The following CSMD1 variants were observed in gnomAD, a reference collection of about 807,000 sequenced individuals.
CSMD1 encodes CUB and Sushi multiple domains 1, also known as CUB and sushi domain-containing protein 1.
CSMD1 carries 213 observed loss-of-function variants against 417.5 expected under a neutral mutation model. The ratio of observed to expected loss-of-function variants is 0.51; its 90% CI spans 0.46 to 0.57. CSMD1 has a LOEUF of 0.57. CSMD1 is among the 20% of genes least tolerant of loss of function. The pLI is 0.00. For missense variants in CSMD1, 6,923 were observed against 4,529.7 expected, an observed-to-expected ratio of 1.53 and a Z score of -15.17; for synonymous variants, 2,862 against 1,736.8, an observed-to-expected ratio of 1.65 and a Z score of -16.11.
intron 1 of CSMD1, among the ~76,000 whole-genome samples, chr8:4,639,594 T>C (rs1803071438): frequency 6.6e-6 from 1 of 152,214 alleles, no homozygotes; most frequent in South Asian, 2.1e-4. Flanking sequence ...ACTAAAAATA[T>C]TGAGAAAGTT....
At chr8:3,338,134 T>A (rs904014556) in intron 23 of CSMD1, among the ~76,000 whole-genome samples, 2 of 152,186 alleles carry the variant, frequency 1.3e-5, no homozygotes, top group African/African-American at 4.8e-5. Flanking sequence ...GAGTCTGTCA[T>A]CCCTCTGAGG....
chr8:4,775,606 T>A (rs1263308275), intron 1 of CSMD1, among the ~76,000 whole-genome samples: 2 of 152,200 alleles, frequency 1.3e-5, no homozygotes, highest in Admixed American at 6.5e-5. Flanking sequence ...AACTAATCAA[T>A]GTTAATTACA....
chr8:3,139,665 G>A (rs182298536), intron 41 of CSMD1, among the ~76,000 whole-genome samples: 2 of 152,238 alleles, frequency 1.3e-5, no homozygotes, highest in Admixed American at 6.5e-5. Flanking sequence ...AAGACAAGAG[G>A]TCCAAGGTAC....
At position 3,966,462 on chromosome 8, in the gene CSMD1, T is replaced by C. The variant is rs1202289714; in HGVS notation, c.818+31441A>G. Reference sequence around the variant, plus strand: ...TACCTACATATATTTTTTATAGATATATGTTTCCATTTCTGTTATTTATTT... The same window carrying C: ...TACCTACATATATTTTTTATAGATACATGTTTCCATTTCTGTTATTTATTT... On this transcript the variant is annotated intron_variant, in intron 5 of 69. Transcript: ENST00000635120. Among the ~76,000 whole-genome samples the C allele has an allele frequency of 7.2e-5, 11 of 152,302 alleles. No individual in the cohort carries two copies. The East Asian group carries it at 1.4e-3, about 19-fold the overall frequency.
chr8:4,587,563 C>G (rs1397964353), intron 2 of CSMD1, among the ~76,000 whole-genome samples: 1 of 151,946 alleles, frequency 6.6e-6, no homozygotes, highest in African/African-American at 2.4e-5. Flanking sequence ...TATTTTGATA[C>G]AGAACCTTTC....
At chr8:3,282,797 A>G (rs13272557) in intron 26 of CSMD1, among the ~76,000 whole-genome samples, 29,957 of 152,072 alleles carry the variant, frequency 0.2, 3,063 homozygotes, top group South Asian at 0.27. Context: ...TATATTAGCA[A>G]CCTTTTAAAG....
intron 10 of CSMD1, among the ~76,000 whole-genome samples, chr8:3,557,788 A>T (rs894701121): frequency 1.3e-5 from 2 of 152,166 alleles, no homozygotes; most frequent in African/African-American, 4.8e-5. Flanking sequence ...TAGGACAGAT[A>T]GAGTCTTTGG....
At chr8:4,730,752 T>TA (rs113132655) in intron 1 of CSMD1, among the ~76,000 whole-genome samples, 14,413 of 132,180 alleles carry the variant, frequency 0.11, 2,029 homozygotes, top group African/African-American at 0.34. Flanking sequence ...AAAAAACAAA[T>TA]AAAAAAAAAA....
intron 1 of CSMD1, among the ~76,000 whole-genome samples, chr8:4,866,003 C>A (rs751721274): frequency 6.6e-6 from 1 of 151,856 alleles, no homozygotes; most frequent in African/African-American, 2.4e-5. Flanking sequence ...ATAGCAACAT[C>A]TAAATTTAAA....
At chr8:3,416,624 T>C (rs1333979933) in intron 12 of CSMD1, among the ~76,000 whole-genome samples, 2 of 152,194 alleles carry the variant, frequency 1.3e-5, no homozygotes, top group African/African-American at 2.4e-5. Flanking sequence ...AGGAGCTACA[T>C]GGAAACACGT....
intron 3 of CSMD1, among the ~76,000 whole-genome samples, chr8:4,292,889 G>A (rs1380207962): frequency 6.6e-6 from 1 of 152,170 alleles, no homozygotes; most frequent in Non-Finnish European, 1.5e-5. Context: ...TTTTTGTAAA[G>A]AGATAATTTG....
chr8:3,091,027 A>G lies in CSMD1; in HGVS notation c.7285+489T>C, dbSNP rs555537592. On this transcript the variant is annotated intron_variant, in intron 48 of 69. Transcript: ENST00000635120. ...TTGATGAGGAATATATATTAAACAT[A>G]TATTTATTATGTATATGGTTATTTG... is the stretch of plus-strand genomic sequence containing the variant. 2.0e-4 allele frequency among the ~76,000 whole-genome samples: 31 copies of G among 152,228 alleles called. No individual in the cohort carries two copies. The South Asian group carries it at 6.0e-3, about 30-fold the overall frequency.
At chr8:4,162,477 A>G (rs1797230548) in intron 3 of CSMD1, among the ~76,000 whole-genome samples, 1 of 152,234 alleles carries the variant, frequency 6.6e-6, no homozygotes. Context: ...AATTTAAGCC[A>G]GTTTGATGAA....
At chr8:4,861,090 A>T (rs146822184) in intron 1 of CSMD1, among the ~76,000 whole-genome samples, 1 of 152,152 alleles carries the variant, frequency 6.6e-6, no homozygotes, top group East Asian at 1.9e-4. Flanking sequence ...ATCTTATCTT[A>T]TTTTTAGGGG....
At position 3,000,109 on chromosome 8, in the gene CSMD1, G is replaced by T. The variant is rs753564453; in HGVS notation, c.8052C>A (p.Asp2684Glu). Residue 2684 changes from aspartate to glutamate, a missense_variant, in exon 53 of 70, where the codon GAC becomes GAA. By Grantham distance (45) the Asp-to-Glu change is conservative. Coordinates refer to ENST00000635120, the MANE Select transcript of CSMD1 (RefSeq NM_033225.6). The part of the protein sequence containing the change: ...RCLAGHCGSP[D>E]PIVNGHISGD... ...CACTAATGTGACCGTTCACAATCGG[G>T]TCTGGGGAACCGCAGTGGCCAGCTA... is the stretch of plus-strand genomic sequence containing the variant. 3 of 1,560,024 alleles carry T rather than the reference G, an allele frequency of 1.9e-6. No homozygotes were observed. The African/African-American group carries it at 4.3e-5, about 22-fold the overall frequency.
intron 18 of CSMD1, among the ~76,000 whole-genome samples, chr8:3,374,654 C>T (rs371118424): frequency 1.3e-3 from 201 of 152,180 alleles, no homozygotes; most frequent in African/African-American, 4.6e-3. Context: ...GATACAAGGT[C>T]GGAGGAAATG....
At chr8:3,952,308 C>G (rs935000665) in intron 5 of CSMD1, among the ~76,000 whole-genome samples, 1 of 152,132 alleles carries the variant, frequency 6.6e-6, no homozygotes, top group Non-Finnish European at 1.5e-5. Flanking sequence ...GGTGTCGTGG[C>G]TATAAATTGC....
intron 1 of CSMD1, among the ~76,000 whole-genome samples, chr8:4,764,872 C>CAAAAAAAAAAAAAAA (rs1194894751): frequency 3.9e-5 from 2 of 50,938 alleles, no homozygotes; most frequent in Non-Finnish European, 7.1e-5. Context: ...GACTCCATCT[C>CAAAAAAAAAAAAAAA]AAAAAAAAAA....
At chr8:4,009,556 T>C (rs17402676) in intron 4 of CSMD1, among the ~76,000 whole-genome samples, 29,519 of 152,204 alleles carry the variant, frequency 0.19, 3,021 homozygotes, top group South Asian at 0.31. Flanking sequence ...AATTTAAAAA[T>C]GCAGGTTATA....
Sources: gnomAD v4.1 joint callset for allele counts (sites outside exome capture counted in the v4.1 genomes callset) on GRCh38, gnomAD v4.1.1 for gene constraint, MANE v1.5 for transcripts, NCBI Gene and HGNC (gene_info 2026-07-23, HGNC 2026-07-21) for gene names.